The following NEB variants were observed in gnomAD, a reference collection of about 807,000 sequenced individuals.
The protein encoded by NEB is nemaline myopathy type 2.
Under a neutral mutation model 952.2 loss-of-function variants are expected in NEB, and 512 were observed. The ratio of observed to expected loss-of-function variants is 0.54; its 90% confidence interval spans 0.50 to 0.58. The LOEUF (loss-of-function observed/expected upper bound fraction) is 0.58, where lower values mean the gene tolerates loss of function less well. NEB is among the 20% of genes least tolerant of loss of function. The pLI is 0.00. For synonymous variants in NEB, 2,900 were observed against 3,149.8 expected (o/e 0.92, Z 2.66); for missense variants, 8,428 against 9,231.1 (o/e 0.91, Z 3.56).
intron 180 of NEB, 137 bp from the exon 181 acceptor site, chr2:151,490,214 A>G (rs902218572): frequency 2.6e-6 from 3 of 1,163,084 alleles, no homozygotes; most frequent in South Asian, 1.6e-5. Flanking sequence ...AAAATGAAAC[A>G]TCTAACTTCA....
At chr2:151,665,215 C>A in intron 42 of NEB, 118 bp downstream of exon 42, 1 of 943,606 alleles carries the variant, frequency 1.1e-6, no homozygotes, top group Admixed American at 2.3e-5. Flanking sequence ...CCCCCTCCCA[C>A]CACCGGCACG....
chr2:151,513,623 G>A lies in NEB; in HGVS notation c.23198C>T (p.Pro7733Leu), dbSNP rs372387518. Residue 7733 changes from proline (P) to leucine (L), a missense_variant, in exon 160 of 182, where the codon CCG becomes CTG. Pro to Leu is a moderately conservative substitution (Grantham distance 98, BLOSUM62 -3). This residue lies in a region of NEB where 3,374 missense variants were observed against 3,651.5 expected (regional missense o/e 0.92). Coordinates refer to ENST00000397345, the MANE Select transcript of NEB (RefSeq NM_001164508.2). ...AGCATTCCTGGCCCTCATAAAATCC[G>A]GAGTTTCATTGGCCATGGCATTCAG... ...RGLNAMANET[P>L]DFMRARNATD... The A allele has an allele frequency of 3.5e-5, 57 of 1,610,316 alleles. No homozygotes were observed. The highest frequency in any genetic ancestry group is 1.9e-4 in the South Asian group (17 of 89,734).
At chr2:151,497,353 T>C in intron 171 of NEB, 5 of 982,720 alleles carry the variant, frequency 5.1e-6, no homozygotes, top group Non-Finnish European at 3.6e-6. Context: ...CAGTTAGAAC[T>C]CAGTGGTGTT....
At position 151,502,900 on chromosome 2, in the gene NEB, AAAGT is replaced by A. The variant is rs2065826587; in HGVS notation, c.23836-19_23836-16del. The A allele has an allele frequency of 4.1e-6, 6 of 1,479,140 alleles. No individual in the cohort carries two copies. The Admixed American group carries it at 1.0e-4, about 26-fold the overall frequency. The allele number at this position is 1,479,140 out of a possible 1,614,324, so 91.6% of individuals were successfully genotyped here. A position where few individuals can be genotyped will look rare whatever the true frequency, so the allele number is the denominator to read the frequency against. On this transcript the variant is annotated splice_polypyrimidine_tract_variant and intron_variant, in intron 166 of 181. Transcript: ENST00000397345. ...TTGTACAAAACCTGTGAGATACAAG[AAAGT>A]ACCCAGAGGACATTTAAAACAGGCA...
At chr2:151,694,241 G>T in intron 20 of NEB, 82 bp downstream of exon 20, 2 of 1,164,278 alleles carry the variant, frequency 1.7e-6, no homozygotes, top group Non-Finnish European at 2.6e-6. Flanking sequence ...ATTTCAGTTA[G>T]GCTAACGTCC....
At chr2:151,531,704 C>A (rs1033610751) in intron 144 of NEB, 88 bp downstream of exon 144, 10 of 1,020,602 alleles carry the variant, frequency 9.8e-6, no homozygotes, top group Middle Eastern at 2.0e-4. Flanking sequence ...GCAGTAGTCT[C>A]CCAGACTTTG....
At chr2:151,591,880 G>A (rs1156268967) in intron 95 of NEB, among the ~76,000 whole-genome samples, 154 bp downstream of exon 95, 1 of 152,304 alleles carries the variant, frequency 6.6e-6, no homozygotes, top group African/African-American at 2.4e-5. Flanking sequence ...ACAGACACAC[G>A]CAGACCCACA....
At chr2:151,647,595 T>A (rs2098977327) in intron 54 of NEB, among the ~76,000 whole-genome samples, 1 of 152,158 alleles carries the variant, frequency 6.6e-6, no homozygotes, top group Non-Finnish European at 1.5e-5. Context: ...CCTCCTGATA[T>A]GAGGTACTGA....
intron 153 of NEB, among the ~76,000 whole-genome samples, chr2:151,523,433 A>G (rs2083325080): frequency 6.6e-6 from 1 of 152,258 alleles, no homozygotes; most frequent in African/African-American, 2.4e-5. Context: ...ACTCACGACA[A>G]CCAAATGTAT....
At chr2:151,678,870 G>T (rs2099393734) in intron 32 of NEB, among the ~76,000 whole-genome samples, 1 of 151,972 alleles carries the variant, frequency 6.6e-6, no homozygotes, top group South Asian at 2.1e-4. Context: ...GTGGGACAGG[G>T]GCATTTCAGA....
At chr2:151,680,709 A>G in intron 30 of NEB, 21 bp downstream of exon 30, 1 of 1,484,420 alleles carries the variant, frequency 6.7e-7, no homozygotes, top group Non-Finnish European at 9.4e-7. Context: ...CTATTAACAT[A>G]TAGATAGCAT....
At position 151,563,624 on chromosome 2, in the gene NEB, G is replaced by C. The variant is rs1197272421; in HGVS notation, c.18675C>G (p.Phe6225Leu). The C allele has an allele frequency of 1.2e-6, 2 of 1,613,638 alleles. No homozygotes were observed. Among genetic ancestry groups the C allele is most frequent in the Admixed American group, 1.7e-5 (1 of 59,986 alleles). Reference sequence around the variant, plus strand: ...TACTTACCGCACTCCTCATCTTTTGGAAATCCAGACAGTGAACCACACCAG... The same window carrying C: ...TACTTACCGCACTCCTCATCTTTTGCAAATCCAGACAGTGAACCACACCAG... ...EFPGVVHCLD[F>L]QKMRSALNYR... Residue 6225 changes from phenylalanine (F) to leucine (L), a missense_variant, in exon 119 of 182, where the codon TTC becomes TTG. By Grantham distance (22) the Phe-to-Leu change is conservative. This residue lies in a region of NEB where 3,374 missense variants were observed against 3,651.5 expected (regional missense o/e 0.92). Coordinates refer to ENST00000397345, the MANE Select transcript of NEB (RefSeq NM_001164508.2).
intron 110 of NEB, among the ~76,000 whole-genome samples, chr2:151,568,993 G>A (rs896070221): frequency 1.3e-5 from 2 of 151,982 alleles, no homozygotes; most frequent in Non-Finnish European, 2.9e-5. Context: ...TTTTTCCAAC[G>A]AAACAAACTT....
chr2:151,679,668 G>GCC, intron 32 of NEB, 53 bp downstream of exon 32: 3 of 310,080 alleles, frequency 9.7e-6, no homozygotes, highest in Middle Eastern at 9.5e-4. Flanking sequence ...CAGACCCCAA[G>GCC]CCCACCCACC....
Position 151,545,879 on chromosome 2 carries a change from C to G in NEB, c.20577+9G>C, listed in dbSNP as rs754392310. On this transcript the variant is annotated intron_variant, in intron 135 of 181. Coordinates refer to ENST00000397345, the MANE Select transcript of NEB (RefSeq NM_001164508.2). ...TGATTGACTTCAATGACAAGTAAAG[C>G]GTCCTTACCTCACTCAGATGTGTCT... 1.3e-6 allele frequency: 2 copies of G among 1,522,682 alleles called. No homozygotes were observed. The highest frequency in any genetic ancestry group is 1.8e-6 in the Non-Finnish European group (2 of 1,104,304). The allele number at this position is 1,522,682 out of a possible 1,614,324, so 94.3% of individuals were successfully genotyped here.
Position 151,706,918 on chromosome 2 carries a change from A to C in NEB, c.1115T>G (p.Leu372Arg). The C allele has an allele frequency of 6.2e-7, 1 of 1,606,784 alleles. No homozygotes were observed. Among genetic ancestry groups the C allele is most frequent in the Non-Finnish European group, 8.5e-7 (1 of 1,176,136 alleles). ...ATCTCCTGCTGCCTTCAGCTGCCTA[A>C]GCTGTGGGTTCTCTGAAGCAGGAAG... is the stretch of plus-strand genomic sequence containing the variant. ...NVLPASENPQ[L>R]RQLKAAGDAL... The change falls in exon 13 of 182, where the codon CTT (leucine) becomes CGT (arginine). Residue 372 changes from leucine to arginine, a missense_variant. Leu to Arg is a moderately radical substitution (Grantham distance 102). Transcript: ENST00000397345.
intron 156 of NEB, among the ~76,000 whole-genome samples, chr2:151,517,101 T>C (rs1212846946): frequency 6.6e-6 from 1 of 152,098 alleles, no homozygotes; most frequent in African/African-American, 2.4e-5. Flanking sequence ...AGCCAATAAA[T>C]TGGTATAAAA....
chr2:151,516,153 T>G (rs148357666), intron 157 of NEB, among the ~76,000 whole-genome samples: 27 of 152,304 alleles, frequency 1.8e-4, no homozygotes, highest in Non-Finnish European at 2.6e-4. Flanking sequence ...GAGGGAACTT[T>G]TCATTCATAA....
chr2:151,667,842 T>C lies in NEB; in HGVS notation c.4681A>G (p.Ile1561Val), dbSNP rs775362807. ...GYDLRPDAIP[I>V]VAAKSSRNIA... ...TTCCTTGAACTTTTTGCAGCAACAA[T>C]TGGGATGGCATCTGGTCTCAAATCA... The change falls in exon 40 of 182, where the codon ATT (isoleucine) becomes GTT (valine). Residue 1561 changes from isoleucine to valine, a missense_variant. Transcript: ENST00000397345. The C allele has an allele frequency of 1.9e-6, 3 of 1,612,766 alleles. No individual in the cohort carries two copies. The highest frequency in any genetic ancestry group is 2.2e-5 in the East Asian group (1 of 44,872).
Sources: allele counts gnomAD v4.1 joint callset (sites outside exome capture counted in the v4.1 genomes callset), GRCh38; gene constraint gnomAD v4.1.1; regional missense constraint gnomAD v4.1.1; transcripts MANE v1.5; gene names NCBI Gene and HGNC (gene_info 2026-07-23, HGNC 2026-07-21).